The following EXPH5 variants were observed in gnomAD, a reference collection of about 807,000 sequenced individuals.
EXPH5 encodes exophilin 5.
Under a neutral mutation model 41.1 loss-of-function variants are expected in EXPH5, and 42 were observed. The ratio of observed to expected loss-of-function variants is 1.02; its 90% confidence interval spans 0.80 to 1.32. The LOEUF is 1.32. Among genes scored for constraint, EXPH5 ranks in the 40% most tolerant of loss-of-function variants. EXPH5 has a pLI of 0.00. For missense variants in EXPH5, 2,298 were observed against 2,314.5 expected (o/e 0.99, Z 0.15); for synonymous variants, 798 against 833.5 (o/e 0.96, Z 0.73).
chr11:108,543,922 A>T lies in EXPH5; in HGVS notation c.120-2110T>A, dbSNP rs1261784264. ...CAGAGCAGACTCAGAGATCCTAAGT[A>T]TCTGCTTCTAACCAATATTGGCTGC... On this transcript the variant is annotated intron_variant, in intron 1 of 5. Transcript: ENST00000265843. Among the ~76,000 whole-genome samples, 5 of 152,272 alleles carry T rather than the reference A, an allele frequency of 3.3e-5. No individual in the cohort carries two copies. In the East Asian group the frequency reaches 7.7e-4, roughly 24 times the overall value.
Position 108,593,494 on chromosome 11 carries a change from C to G in EXPH5, c.43G>C (p.Asp15His), listed in dbSNP as rs147503313. 2.9e-4 allele frequency: 462 copies of G among 1,614,094 alleles called. No homozygotes were observed. Among genetic ancestry groups the G allele is most frequent in the Non-Finnish European group, 3.7e-4 (442 of 1,180,048 alleles). ...TGAAGGATCTTCCTGGCCTCTTCGT[C>G]ATTTAAGAAACTGAAATCAAACGCC... ...PPAFDFSFLNDEEARKILQVL... is the reference protein window; with the variant it reads ...PPAFDFSFLNHEEARKILQVL... The change falls in exon 1 of 6, where the codon GAC becomes CAC. Residue 15 changes from aspartate to histidine, a missense_variant. Coordinates refer to ENST00000265843, the MANE Select transcript of EXPH5 (RefSeq NM_015065.3).
intron 1 of EXPH5, among the ~76,000 whole-genome samples, chr11:108,547,982 G>A (rs959510832): frequency 6.6e-6 from 1 of 151,924 alleles, no homozygotes; most frequent in Middle Eastern, 3.2e-3. Context: ...GGTGGCGGGT[G>A]CCTGTAATCC....
intron 1 of EXPH5, among the ~76,000 whole-genome samples, chr11:108,545,235 G>A (rs1352702194): frequency 6.6e-6 from 1 of 152,166 alleles, no homozygotes; most frequent in Non-Finnish European, 1.5e-5. Context: ...GCAACATGGT[G>A]AGACCCTGTC....
At chr11:108,561,818 C>T (rs1402403238) in intron 1 of EXPH5, among the ~76,000 whole-genome samples, 1 of 152,144 alleles carries the variant, frequency 6.6e-6, no homozygotes, top group East Asian at 1.9e-4. Flanking sequence ...AGCCATCAGG[C>T]ACCAGAGTCT....
chr11:108,576,254 A>G (rs1414029098), intron 1 of EXPH5, among the ~76,000 whole-genome samples: 1 of 152,228 alleles, frequency 6.6e-6, no homozygotes, highest in East Asian at 1.9e-4. Flanking sequence ...AAGAAAAGGA[A>G]TAAAGTATTA....
chr11:108,565,989 A>G (rs1186363228), intron 1 of EXPH5, among the ~76,000 whole-genome samples: 3 of 152,258 alleles, frequency 2.0e-5, no homozygotes, highest in African/African-American at 4.8e-5. Context: ...AAAAAATCCA[A>G]TTCAACCATA....
rs1384522836 is a variant in EXPH5, at chr11:108,508,556, AG to A, written c.*980del. ...CAAACAAAAAACAAAAACAAAAAAAAGAAAATGTGAAAATGGATAGTTCTGA... is the reference window on the plus strand; with the variant it reads ...CAAACAAAAAACAAAAACAAAAAAAAAAAATGTGAAAATGGATAGTTCTGA... On this transcript the variant is annotated 3_prime_UTR_variant, in exon 6 of 6. Coordinates refer to ENST00000265843, the MANE Select transcript of EXPH5 (RefSeq NM_015065.3). 1 of 152,558 alleles carries A rather than the reference AG, an allele frequency of 6.6e-6. No homozygotes were observed. The highest frequency in any genetic ancestry group is 2.4e-5 in the African/African-American group (1 of 41,478). 9.5% of individuals were successfully genotyped at this position (152,558 alleles called of 1,614,324 possible). A position where few individuals can be genotyped will look rare whatever the true frequency, so the allele number is the denominator to read the frequency against.
rs1309521507 is a variant in EXPH5, at chr11:108,505,935, G to A, written c.*3602C>T. ...TGTTAGTAGCAGTTGGAATTTTGTT[G>A]GCATCAATGTATTTACAATGTAGGA... is the stretch of plus-strand genomic sequence containing the variant. On this transcript the variant is annotated 3_prime_UTR_variant, in exon 6 of 6. Transcript: ENST00000265843. 1 of 152,060 alleles carries A rather than the reference G, an allele frequency of 6.6e-6. No individual in the cohort carries two copies. Among genetic ancestry groups the A allele is most frequent in the Non-Finnish European group, 1.5e-5 (1 of 68,022 alleles). The allele number at this position is 152,060 out of a possible 1,614,324, so 9.4% of individuals were successfully genotyped here.
At chr11:108,545,014 A>T (rs1591719845) in intron 1 of EXPH5, among the ~76,000 whole-genome samples, 1 of 148,184 alleles carries the variant, frequency 6.7e-6, no homozygotes, top group South Asian at 2.1e-4. Context: ...CTTTTCCATT[A>T]TTTTTTTTTT....
Position 108,512,216 on chromosome 11 carries a change from C to G in EXPH5, c.3291G>C (p.Glu1097Asp), listed in dbSNP as rs373105039. 4 of 1,607,938 alleles carry G rather than the reference C, an allele frequency of 2.5e-6. No homozygotes were observed. ...CACTGCTTTTTACATTTGTCATTCT[C>G]TCTGTGGCTTCAGGTGCTTCCAGGG... Reference protein sequence around the residue: ...DSALEAPEATERMTNVKSSGS... With the variant: ...DSALEAPEATDRMTNVKSSGS... Residue 1097 changes from glutamate to aspartate, a missense_variant, in exon 6 of 6, where the codon GAG becomes GAC. Physicochemically the swap from Glu to Asp is conservative, Grantham distance 45. Coordinates refer to ENST00000265843, the MANE Select transcript of EXPH5 (RefSeq NM_015065.3).
intron 5 of EXPH5, among the ~76,000 whole-genome samples, chr11:108,517,318 C>G (rs924883184): frequency 6.6e-6 from 1 of 152,120 alleles, no homozygotes; most frequent in Non-Finnish European, 1.5e-5. Flanking sequence ...TTCAACAAAA[C>G]CTTCATTTTG....
the EXPH5 span, among the ~76,000 whole-genome samples, chr11:108,600,607 T>G: frequency 1.3e-4 from 20 of 152,212 alleles, no homozygotes; most frequent in Non-Finnish European, 2.6e-4. Context: ...GTGGAAGACT[T>G]TAAGCAGAGC....
intron 1 of EXPH5, among the ~76,000 whole-genome samples, chr11:108,572,837 G>A (rs1227172789): frequency 6.6e-6 from 1 of 152,088 alleles, no homozygotes; most frequent in African/African-American, 2.4e-5. Context: ...GGGATGACAG[G>A]CATGAGCCAC....
chr11:108,507,761 G>A lies in EXPH5; in HGVS notation c.*1776C>T, dbSNP rs1299190698. The A allele has an allele frequency of 6.6e-6, 1 of 152,128 alleles. No individual in the cohort carries two copies. The highest frequency in any genetic ancestry group is 1.9e-4 in the East Asian group (1 of 5,194). The allele number at this position is 152,128 out of a possible 1,614,324, so 9.4% of individuals were successfully genotyped here. ...TGCAGCAAAGAATGAATTCCAGGGT[G>A]TCAGATCTGACTTGATGGCATTTTA... On this transcript the variant is annotated 3_prime_UTR_variant, in exon 6 of 6. Transcript: ENST00000265843.
At chr11:108,588,399 T>A (rs1177445237) in intron 1 of EXPH5, among the ~76,000 whole-genome samples, 1 of 152,218 alleles carries the variant, frequency 6.6e-6, no homozygotes, top group Non-Finnish European at 1.5e-5. Context: ...GGTTCTGTTA[T>A]GAGCTAGATG....
chr11:108,534,648 C>G (rs754508668), intron 3 of EXPH5, among the ~76,000 whole-genome samples: 3 of 152,196 alleles, frequency 2.0e-5, no homozygotes, highest in African/African-American at 4.8e-5. Flanking sequence ...TCTTGATCCT[C>G]TAGTCTGAGT....
At position 108,543,854 on chromosome 11, in the gene EXPH5, C is replaced by T. The variant is rs1940213; in HGVS notation, c.120-2042G>A. 5.5e-3 allele frequency among the ~76,000 whole-genome samples: 841 copies of T among 152,326 alleles called. 15 individuals carry two copies. The South Asian group carries it at 0.061, about 11-fold the overall frequency. On this transcript the variant is annotated intron_variant, in intron 1 of 5. Coordinates refer to ENST00000265843, the MANE Select transcript of EXPH5 (RefSeq NM_015065.3). ...CTCCTTTTTTGCCATTTCCACCCTC[C>T]GATGCGTGGTACTCCTGTCTTTGTT... is the stretch of plus-strand genomic sequence containing the variant.
intron 1 of EXPH5, among the ~76,000 whole-genome samples, chr11:108,553,377 T>C (rs980494769): frequency 1.3e-5 from 2 of 152,174 alleles, no homozygotes; most frequent in South Asian, 2.1e-4. Context: ...CCTTTACCAA[T>C]AGTCACCCTC....
At position 108,514,861 on chromosome 11, in the gene EXPH5, C is replaced by A. The variant is rs1339963057; in HGVS notation, c.646G>T (p.Asp216Tyr). The change falls in exon 6 of 6, where the codon GAT (aspartate) becomes TAT (tyrosine). Residue 216 changes from aspartate to tyrosine, a missense_variant. Coordinates refer to ENST00000265843, the MANE Select transcript of EXPH5 (RefSeq NM_015065.3). ...NEFFQVLDDL[D>Y]SKLAQEQSAS... The stretch of plus-strand genomic sequence containing the variant: ...GACTGTTCCTGAGCCAATTTGCTAT[C>A]CAAGTCATCTAAAACTGAAAAGAGA... 12 of 1,458,480 alleles carry A rather than the reference C, an allele frequency of 8.2e-6. No individual in the cohort carries two copies. Among genetic ancestry groups the A allele is most frequent in the South Asian group, 6.7e-5 (4 of 59,574 alleles). 90.3% of individuals were successfully genotyped at this position (1,458,480 alleles called of 1,614,324 possible).
Sources: allele counts gnomAD v4.1 joint callset (sites outside exome capture counted in the v4.1 genomes callset), GRCh38; gene constraint gnomAD v4.1.1; transcripts MANE v1.5; gene names NCBI Gene and HGNC (gene_info 2026-07-23, HGNC 2026-07-21).